The following SLC24A2 variants were observed in gnomAD, a reference collection of about 807,000 sequenced individuals.
SLC24A2 encodes sodium/potassium/calcium exchanger 2.
SLC24A2 carries 36 observed loss-of-function variants against 62.0 expected under a neutral mutation model. The observed-to-expected ratio is 0.58, with a 90% CI of 0.44 to 0.77. SLC24A2 has a LOEUF of 0.77. Among genes scored for constraint, SLC24A2 ranks in the 30% least tolerant of loss-of-function variants. The pLI is 0.00. For synonymous variants in SLC24A2, 358 were observed against 294.0 expected (o/e 1.22, Z -2.23); for missense variants, 846 against 817.9 (o/e 1.03, Z -0.42).
the SLC24A2 span, among the ~76,000 whole-genome samples, chr9:20,137,572 G>A: frequency 9.2e-5 from 14 of 152,194 alleles, no homozygotes; most frequent in Admixed American, 8.5e-4. Flanking sequence ...AGATATGAAA[G>A]TAAAAGAGCC....
rs1394919521 is a variant in SLC24A2, at chr9:19,512,533, C to G, written c.*3620G>C. On this transcript the variant is annotated 3_prime_UTR_variant, in exon 11 of 11. Transcript: ENST00000341998. The stretch of plus-strand genomic sequence containing the variant: ...CATCTGATCTTCAGCTTCAGTTCAT[C>G]AGGATCTGGTCAGGTGCAGAGGGCA... The G allele has an allele frequency of 6.6e-6, 1 of 152,204 alleles. No individual in the cohort carries two copies. Among genetic ancestry groups the G allele is most frequent in the Non-Finnish European group, 1.5e-5 (1 of 68,058 alleles). The allele number at this position is 152,204 out of a possible 1,614,324, so 9.4% of individuals were successfully genotyped here.
At chr9:20,207,748 T>G in the SLC24A2 span, among the ~76,000 whole-genome samples, 1 of 152,214 alleles carries the variant, frequency 6.6e-6, no homozygotes, top group Non-Finnish European at 1.5e-5. Context: ...TTCACTTTCA[T>G]TGAACACTTA....
At chr9:19,548,255 T>C (rs1244415755) in intron 8 of SLC24A2, among the ~76,000 whole-genome samples, 1 of 147,592 alleles carries the variant, frequency 6.8e-6, no homozygotes, top group Non-Finnish European at 1.5e-5. Context: ...CAAGTGCTTT[T>C]AGAAATGATT....
chr9:19,843,300 G>A, the SLC24A2 span, among the ~76,000 whole-genome samples: 1 of 152,130 alleles, frequency 6.6e-6, no homozygotes, highest in Non-Finnish European at 1.5e-5. Context: ...TCAGGAGTTC[G>A]AGACCAGCCT....
chr9:20,251,322 A>G, the SLC24A2 span, among the ~76,000 whole-genome samples: 1 of 152,086 alleles, frequency 6.6e-6, no homozygotes, highest in Non-Finnish European at 1.5e-5. Context: ...TAGAAGCAGA[A>G]TGAGTCTAGC....
chr9:20,173,865 G>C, the SLC24A2 span, among the ~76,000 whole-genome samples: 1 of 151,700 alleles, frequency 6.6e-6, no homozygotes, highest in African/African-American at 2.4e-5. Context: ...AATTCATATG[G>C]AACCAAAAAA....
the SLC24A2 span, among the ~76,000 whole-genome samples, chr9:19,923,826 C>A: frequency 2.0e-5 from 3 of 152,192 alleles, no homozygotes; most frequent in Non-Finnish European, 4.4e-5. Context: ...TGGCTCATTG[C>A]AATCTCCGCC....
chr9:19,766,336 C>A (rs1822514095), intron 2 of SLC24A2, among the ~76,000 whole-genome samples: 1 of 152,142 alleles, frequency 6.6e-6, no homozygotes, highest in East Asian at 1.9e-4. Context: ...GTTTTGTTCC[C>A]TTGCTGGTGA....
At chr9:19,951,566 T>C in the SLC24A2 span, among the ~76,000 whole-genome samples, 1 of 152,074 alleles carries the variant, frequency 6.6e-6, no homozygotes, top group Admixed American at 6.6e-5. Flanking sequence ...GATTTATTTT[T>C]TTTTTCTATA....
At chr9:19,823,297 TTGTGTGTG>T in the SLC24A2 span, among the ~76,000 whole-genome samples, 4,457 of 150,208 alleles carry the variant, frequency 0.03, 211 homozygotes, top group African/African-American at 0.099. Flanking sequence ...TGTATTAACA[TTGTGTGTG>T]TGTGTGTGTG....
the SLC24A2 span, among the ~76,000 whole-genome samples, chr9:19,937,472 T>G: frequency 3.9e-5 from 6 of 152,210 alleles, no homozygotes; most frequent in African/African-American, 1.2e-4. Context: ...AGGGATAGAT[T>G]TTGGAATATC....
intron 2 of SLC24A2, among the ~76,000 whole-genome samples, chr9:19,722,342 GAACTGAGAATGCTAGGTTC>G (rs1477806113): frequency 7.9e-5 from 12 of 152,196 alleles, no homozygotes; most frequent in African/African-American, 2.9e-4. Context: ...TAATTGAGCT[GAACTGAGAATGCTAGGTTC>G]AACATATATT....
At position 19,632,265 on chromosome 9, in the gene SLC24A2, A is replaced by G. The variant is rs182552759; in HGVS notation, c.931-9966T>C. 2.0e-4 allele frequency among the ~76,000 whole-genome samples: 31 copies of G among 152,256 alleles called. 1 individual carries two copies. The South Asian group carries it at 2.9e-3, about 14-fold the overall frequency. The stretch of plus-strand genomic sequence containing the variant: ...GTCCAGGCAAATTGTCATTTTATCT[A>G]TGCCTACCTGGGATGTTACCATGTT... On this transcript the variant is annotated intron_variant, in intron 2 of 10. Transcript: ENST00000341998. The surrounding 1 kb of genome is among the most constrained non-coding windows in gnomAD (Gnocchi z 4.5).
At chr9:20,248,609 C>T in the SLC24A2 span, among the ~76,000 whole-genome samples, 1 of 152,166 alleles carries the variant, frequency 6.6e-6, no homozygotes, top group African/African-American at 2.4e-5. Flanking sequence ...CCTGATTACC[C>T]ACCAAAGGCT....
At chr9:19,737,917 T>C (rs1821557902) in intron 2 of SLC24A2, among the ~76,000 whole-genome samples, 1 of 152,190 alleles carries the variant, frequency 6.6e-6, no homozygotes, top group African/African-American at 2.4e-5. Flanking sequence ...TCACAAATGT[T>C]AGGTCTGGAA....
chr9:19,729,837 T>C (rs1036520377), intron 2 of SLC24A2, among the ~76,000 whole-genome samples: 2 of 152,146 alleles, frequency 1.3e-5, no homozygotes, highest in Non-Finnish European at 2.9e-5. Flanking sequence ...AAAAATATGT[T>C]AGATAGTTTC....
the SLC24A2 span, among the ~76,000 whole-genome samples, chr9:19,805,779 G>C: frequency 6.9e-6 from 1 of 143,956 alleles, no homozygotes. Flanking sequence ...TTTTTCCACT[G>C]TTAGATTCTG....
At chr9:20,119,560 T>A in the SLC24A2 span, among the ~76,000 whole-genome samples, 1 of 152,090 alleles carries the variant, frequency 6.6e-6, no homozygotes, top group Non-Finnish European at 1.5e-5. Context: ...ATTTAACACT[T>A]CCATGATAAA....
chr9:19,687,435 G>C (rs1819915979), intron 2 of SLC24A2, among the ~76,000 whole-genome samples: 1 of 152,070 alleles, frequency 6.6e-6, no homozygotes, highest in Non-Finnish European at 1.5e-5. Flanking sequence ...TAGACTCGAA[G>C]GTGAAATCAA....
Sources: allele counts gnomAD v4.1 joint callset (sites outside exome capture counted in the v4.1 genomes callset), GRCh38; gene constraint gnomAD v4.1.1; non-coding constraint Gnocchi (gnomAD v3.1); transcripts MANE v1.5; gene names NCBI Gene and HGNC (gene_info 2026-07-23, HGNC 2026-07-21).